CENPK: variants seen among roughly 807,000 people sequenced by gnomAD.
The protein encoded by CENPK is centromere protein K, also known as SoxLZ/Sox6-binding protein Solt.
A neutral mutation model predicts 40.9 loss-of-function variants in CENPK; 46 were observed. That is an observed-to-expected ratio of 1.13 (90% CI 0.89 to 1.44). CENPK has a LOEUF of 1.44. Among genes scored for constraint, CENPK ranks in the 40% most tolerant of loss-of-function variants. The pLI is 0.00. For synonymous variants in CENPK, 107 were observed against 104.4 expected, an observed-to-expected ratio of 1.02 and a Z score of -0.15; for missense variants, 288 against 303.5, an observed-to-expected ratio of 0.95 and a Z score of 0.38.
At chr5:65,522,331 C>T (rs888302870) in intron 9 of CENPK, among the ~76,000 whole-genome samples, 2 of 152,196 alleles carry the variant, frequency 1.3e-5, no homozygotes, top group African/African-American at 4.8e-5. Flanking sequence ...CATTCCAATT[C>T]TACCCAAGAG....
the CENPK span, among the ~76,000 whole-genome samples, chr5:65,499,265 T>C: frequency 6.8e-6 from 1 of 148,146 alleles, no homozygotes; most frequent in Non-Finnish European, 1.5e-5. Context: ...TATTTCCCCC[T>C]CATTCCTAAG....
At chr5:65,553,121 G>A (rs1169794063) in intron 3 of CENPK, among the ~76,000 whole-genome samples, 2 of 151,910 alleles carry the variant, frequency 1.3e-5, no homozygotes, top group East Asian at 1.9e-4. Context: ...AAGGTGGGGG[G>A]ATTATAAAAA....
downstream of CENPK, among the ~76,000 whole-genome samples, chr5:65,515,075 GA>G (rs1742766591): frequency 6.6e-6 from 1 of 151,230 alleles, no homozygotes; most frequent in South Asian, 2.1e-4. Flanking sequence ...GCTTACTTTG[GA>G]TTTAATTTGC....
At chr5:65,560,145 A>AT (rs954899959) in intron 2 of CENPK, among the ~76,000 whole-genome samples, 7 of 150,826 alleles carry the variant, frequency 4.6e-5, no homozygotes, top group East Asian at 1.9e-4. Context: ...TTACACCAAA[A>AT]TTTTTTTTTT....
intron 1 of CENPK, among the ~76,000 whole-genome samples, chr5:65,562,575 T>C (rs1258362908): frequency 6.6e-6 from 1 of 152,152 alleles, no homozygotes. Context: ...TTTGATTTTT[T>C]AAAAAAGAGA....
intron 5 of CENPK, among the ~76,000 whole-genome samples, chr5:65,550,281 C>G (rs1232373687): frequency 6.6e-6 from 1 of 152,090 alleles, no homozygotes; most frequent in East Asian, 1.9e-4. Context: ...ATGCCTTCCT[C>G]ATGAAACTTA....
In CENPK at chr5:65,554,897, T is replaced by C. The variant is rs757460492; in HGVS notation, c.11A>G (p.Glu4Gly). Residue 4 changes from glutamate to glycine, a missense_variant, in exon 3 of 11, where the codon GAG becomes GGG. Transcript: ENST00000396679. ...TGTAGTACTATCCGGATCTAGATCCTCCTGATTCATTGATATATGCTTTGT... is the reference window on the plus strand; with the variant it reads ...TGTAGTACTATCCGGATCTAGATCCCCCTGATTCATTGATATATGCTTTGT... MNQ[E>G]DLDPDSTTDV... The C allele has an allele frequency of 3.2e-6, 5 of 1,569,388 alleles. No individual in the cohort carries two copies. The South Asian group carries it at 3.4e-5, about 11-fold the overall frequency.
chr5:65,500,453 T>C, the CENPK span, among the ~76,000 whole-genome samples: 1 of 147,896 alleles, frequency 6.8e-6, no homozygotes, highest in South Asian at 2.2e-4. Flanking sequence ...GTTTTTTGGC[T>C]GCATAAATGT....
chr5:65,561,822 T>C (rs1581128168), intron 1 of CENPK, among the ~76,000 whole-genome samples: 1 of 152,186 alleles, frequency 6.6e-6, no homozygotes, highest in African/African-American at 2.4e-5. Flanking sequence ...TTAATATACA[T>C]GAAATAAGCA....
At chr5:65,535,688 G>A (rs1419978610) in intron 6 of CENPK, among the ~76,000 whole-genome samples, 3 of 152,166 alleles carry the variant, frequency 2.0e-5, no homozygotes, top group Non-Finnish European at 4.4e-5. Flanking sequence ...TATCCCATGT[G>A]CCTTTTCCTT....
At chr5:65,559,624 G>A (rs1314854438) in intron 2 of CENPK, among the ~76,000 whole-genome samples, 2 of 102,206 alleles carry the variant, frequency 2.0e-5, no homozygotes, top group African/African-American at 8.0e-5. Flanking sequence ...GCGAGACTCC[G>A]TCTCAGAAAA....
the CENPK span, among the ~76,000 whole-genome samples, chr5:65,502,855 G>A: frequency 2.6e-5 from 4 of 151,900 alleles, no homozygotes; most frequent in African/African-American, 9.7e-5. Flanking sequence ...ACCCAGGCTG[G>A]AGTGCAGTGG....
intron 8 of CENPK, 130 bp from the exon 9 acceptor site, chr5:65,528,708 T>C: frequency 8.4e-7 from 1 of 1,195,836 alleles, no homozygotes; most frequent in African/African-American, 1.6e-5. Flanking sequence ...AACTACCTTT[T>C]TGAAAATCAT....
intron 6 of CENPK, among the ~76,000 whole-genome samples, chr5:65,536,639 T>TATATG (rs1441413694): frequency 7.5e-6 from 1 of 132,524 alleles, no homozygotes; most frequent in African/African-American, 2.8e-5. Flanking sequence ...AAAATATATA[T>TATATG]ATATGTAGGG....
chr5:65,521,088 T>C (rs989982436), intron 10 of CENPK, among the ~76,000 whole-genome samples: 1 of 152,122 alleles, frequency 6.6e-6, no homozygotes, highest in Non-Finnish European at 1.5e-5. Flanking sequence ...ACGTATTTTA[T>C]ATAGAGTACA....
the CENPK span, among the ~76,000 whole-genome samples, chr5:65,507,356 T>C: frequency 6.6e-6 from 1 of 152,304 alleles, no homozygotes; most frequent in East Asian, 1.9e-4. Flanking sequence ...ATAAGCACGT[T>C]TGGTTTAGCT....
At chr5:65,525,883 C>A (rs950351319) in intron 9 of CENPK, among the ~76,000 whole-genome samples, 1 of 152,152 alleles carries the variant, frequency 6.6e-6, no homozygotes, top group African/African-American at 2.4e-5. Context: ...CCGACAGTAC[C>A]TTCCTTTCGT....
At position 65,551,569 on chromosome 5, in the gene CENPK, G is replaced by A; in HGVS notation, c.236C>T (p.Pro79Leu). Residue 79 changes from proline to leucine, a missense_variant, in exon 5 of 11, where the codon CCT becomes CTT. Transcript: ENST00000396679. ...AELSQWQKKT[P>L]ETIPLTEDVL... The stretch of plus-strand genomic sequence containing the variant: ...ATTTAAAATAAGAATCTTACTTTCA[G>A]GTGTTTTTTTCTGCCATTGACTGAG... 6.6e-7 allele frequency: 1 copy of A among 1,507,378 alleles called. No homozygotes were observed. The allele number at this position is 1,507,378 out of a possible 1,614,324, so 93.4% of individuals were successfully genotyped here.
In CENPK at chr5:65,518,489, C is replaced by T. The variant is rs1228791496; in HGVS notation, c.796G>A (p.Ala266Thr). Reference protein sequence around the residue: ...PEDPTRIRLEAFHQ With the variant: ...PEDPTRIRLETFHQ Reference sequence around the variant, plus strand: ...AAAACATCCTTTTACTGATGGAAAGCTTCTAATCTTATTCGGGTTGGATCT... The same window carrying T: ...AAAACATCCTTTTACTGATGGAAAGTTTCTAATCTTATTCGGGTTGGATCT... Residue 266 changes from alanine to threonine, a missense_variant, in exon 11 of 11, where the codon GCT becomes ACT. Physicochemically the swap from Ala to Thr is moderately conservative, Grantham distance 58. Transcript: ENST00000396679. 6.2e-7 allele frequency: 1 copy of T among 1,611,114 alleles called. No homozygotes were observed. Among genetic ancestry groups the T allele is most frequent in the Admixed American group, 1.7e-5 (1 of 59,104 alleles).
Sources: gnomAD v4.1 joint callset for allele counts (sites outside exome capture counted in the v4.1 genomes callset) on GRCh38, gnomAD v4.1.1 for gene constraint, MANE v1.5 for transcripts, NCBI Gene and HGNC (gene_info 2026-07-23, HGNC 2026-07-21) for gene names.